GPR108: variants seen among roughly 807,000 people sequenced by gnomAD.
The protein encoded by GPR108 is G protein-coupled receptor 108.
GPR108 carries 60 observed loss-of-function variants against 74.3 expected under a neutral mutation model. The ratio of observed to expected loss-of-function variants is 0.81; its 90% CI spans 0.66 to 1.00. GPR108 has a LOEUF of 1.00. Among genes scored for constraint, GPR108 ranks in the 50% least tolerant of loss-of-function variants. GPR108 has a pLI of 0.00. For missense variants in GPR108, 667 were observed against 703.3 expected (o/e 0.95, Z 0.58); for synonymous variants, 311 against 292.4 (o/e 1.06, Z -0.65).
Position 6,732,306 on chromosome 19 carries a change from G to A in GPR108, c.1082C>T (p.Ser361Leu), listed in dbSNP as rs766990344. ...CCCAAAGACCTTCTTCTCCTTATCC[G>A]ACAGGACGTACTTGATGAAGGCCCA... The part of the protein sequence containing the change: ...SGWAFIKYVL[S>L]DKEKKVFGIV... The change falls in exon 12 of 18, where the codon TCG (serine) becomes TTG (leucine). Residue 361 changes from serine to leucine, a missense_variant. Transcript: ENST00000264080. 2.4e-5 allele frequency: 39 copies of A among 1,613,026 alleles called. 1 individual carries two copies. The highest frequency in any genetic ancestry group is 4.0e-5 in the African/African-American group (3 of 74,924).
chr19:6,735,853 A>T, intron 3 of GPR108, 55 bp downstream of exon 3: 1 of 1,575,530 alleles, frequency 6.3e-7, no homozygotes. Context: ...CAGAGGACAG[A>T]CCCTACCCCC....
At chr19:6,735,464 C>T in intron 4 of GPR108, 158 bp downstream of exon 4, 1 of 653,292 alleles carries the variant, frequency 1.5e-6, no homozygotes. Context: ...TCCCTCTCTC[C>T]TTCCTTCCAA....
At position 6,735,607 on chromosome 19, in the gene GPR108, C is replaced by T. The variant is rs778681402; in HGVS notation, c.374+15G>A. On this transcript the variant is annotated intron_variant, in intron 4 of 17. Coordinates refer to ENST00000264080, the MANE Select transcript of GPR108 (RefSeq NM_001080452.2). ...CAGACGAAGGATCTGAGCGAGCCCC[C>T]GGTCCCCAACTCACTGCAGATCCTT... The T allele has an allele frequency of 1.1e-5, 17 of 1,610,144 alleles. No homozygotes were observed. Among genetic ancestry groups the T allele is most frequent in the Middle Eastern group, 1.7e-4 (1 of 6,056 alleles).
chr19:6,733,519 AGTGGCCTGCAGGGGGCGCT>A, intron 8 of GPR108, 32 bp downstream of exon 8: 1 of 1,551,840 alleles, frequency 6.4e-7, no homozygotes. Flanking sequence ...CTGGGCCCGC[AGTGGCCTGCAGGGGGCGCT>A]CCCTGGCCCT....
Position 6,732,022 on chromosome 19 carries a change from C to T in GPR108, c.1256+3G>A, listed in dbSNP as rs767072849. The T allele has an allele frequency of 6.2e-7, 1 of 1,613,880 alleles. No homozygotes were observed. The highest frequency in any genetic ancestry group is 8.5e-7 in the Non-Finnish European group (1 of 1,179,974). On this transcript the variant is annotated splice_donor_region_variant and intron_variant, in intron 13 of 17. Transcript: ENST00000264080. ...AGCCTCAGCCCGGGGGCAGGGTCCTCACCAGACTACGGGGAACAGGATGGC... is the reference window on the plus strand; with the variant it reads ...AGCCTCAGCCCGGGGGCAGGGTCCTTACCAGACTACGGGGAACAGGATGGC...
At chr19:6,734,145 G>A (rs749492241) in intron 5 of GPR108, 38 bp downstream of exon 5, 3 of 1,614,140 alleles carry the variant, frequency 1.9e-6, no homozygotes. Context: ...GGGCAGACCT[G>A]CCCATCCACC....
rs1968319223 is a variant in GPR108, at chr19:6,730,022, G to T, written c.*290C>A. The stretch of plus-strand genomic sequence containing the variant: ...ACATTGTAAACACAACCTCCGTGTA[G>T]ACCCCAACCCCCAAAAAGGCAAGAC... On this transcript the variant is annotated 3_prime_UTR_variant, in exon 18 of 18. Transcript: ENST00000264080. 1 of 456,760 alleles carries T rather than the reference G, an allele frequency of 2.2e-6. No individual in the cohort carries two copies. Among genetic ancestry groups the T allele is most frequent in the East Asian group, 4.0e-5 (1 of 25,026 alleles). The allele number at this position is 456,760 out of a possible 1,614,324, so 28.3% of individuals were successfully genotyped here.
chr19:6,731,960 A>G (rs1343176573), intron 13 of GPR108, 26 bp from the exon 14 acceptor site: 37 of 1,613,266 alleles, frequency 2.3e-5, no homozygotes, highest in Non-Finnish European at 3.0e-5. Context: ...GACACAGGGT[A>G]CGGTCAGCGC....
At chr19:6,731,804 G>T (rs1350759775) in intron 14 of GPR108, 87 bp downstream of exon 14, 16 of 1,474,778 alleles carry the variant, frequency 1.1e-5, no homozygotes, top group East Asian at 2.3e-5. Flanking sequence ...GGGCAGAGAG[G>T]CCAGGAGGGG....
rs753439473 is a variant in GPR108, at chr19:6,731,106, C to T, written c.1440G>A (p.Leu480=). Residue 480 remains leucine (L), a synonymous_variant, in exon 17 of 18, where the codon TTG becomes TTA. Transcript: ENST00000264080. Reference sequence around the variant, plus strand: ...AGAAGGCCAGGGTGGAGCCCTCCACCAAGAGCTGGGGGACGGGGCGGAGTG... The same window carrying T: ...AGAAGGCCAGGGTGGAGCCCTCCACTAAGAGCTGGGGGACGGGGCGGAGTG... ...PFQWQWLYQL[L]VEGSTLAFFV... is the part of the protein sequence containing the mutation. 1.9e-6 allele frequency: 3 copies of T among 1,613,238 alleles called. No homozygotes were observed. Among genetic ancestry groups the T allele is most frequent in the African/African-American group, 1.3e-5 (1 of 75,010 alleles).
In GPR108 at chr19:6,733,306, G is replaced by A. The variant is rs373820873; in HGVS notation, c.724-5C>T. On this transcript the variant is annotated splice_polypyrimidine_tract_variant and splice_region_variant and intron_variant, in intron 8 of 17. Transcript: ENST00000264080. ...GTTCTTCTCCCGGATCATCACCTGCGGAGGGGGCAGTGGTGGGCGGCGGCA... is the reference window on the plus strand; with the variant it reads ...GTTCTTCTCCCGGATCATCACCTGCAGAGGGGGCAGTGGTGGGCGGCGGCA... 234 of 1,613,132 alleles carry A rather than the reference G, an allele frequency of 1.5e-4. No homozygotes were observed. The highest frequency in any genetic ancestry group is 1.9e-4 in the Non-Finnish European group (225 of 1,179,572).
At chr19:6,731,384 C>G in intron 15 of GPR108, 89 bp downstream of exon 15, 1 of 1,474,466 alleles carries the variant, frequency 6.8e-7, no homozygotes, top group South Asian at 1.3e-5. Flanking sequence ...ATGGGGGCCT[C>G]GGGATGGGGC....
chr19:6,734,057 G>C lies in GPR108; in HGVS notation c.500-3C>G. On this transcript the variant is annotated splice_polypyrimidine_tract_variant and splice_region_variant and intron_variant, in intron 5 of 17. Coordinates refer to ENST00000264080, the MANE Select transcript of GPR108 (RefSeq NM_001080452.2). ...CTTGCTGGCTGCAGAGGTCCCTCCTGTAAGAGACCGGGCAGTGATTTTAAG... is the reference window on the plus strand; with the variant it reads ...CTTGCTGGCTGCAGAGGTCCCTCCTCTAAGAGACCGGGCAGTGATTTTAAG... The C allele has an allele frequency of 5.0e-6, 8 of 1,614,232 alleles. No individual in the cohort carries two copies. Among genetic ancestry groups the C allele is most frequent in the Middle Eastern group, 3.3e-4 (2 of 6,062 alleles).
At chr19:6,735,344 A>G in intron 4 of GPR108, 1 of 362,766 alleles carries the variant, frequency 2.8e-6, no homozygotes, top group Admixed American at 4.4e-5. Context: ...TTAGTGTATT[A>G]AAGCTCCGGG....
intron 4 of GPR108, among the ~76,000 whole-genome samples, chr19:6,734,875 T>TATTATTATTATC (rs1968568047): frequency 1.4e-5 from 2 of 145,260 alleles, no homozygotes; most frequent in Non-Finnish European, 3.0e-5. Context: ...TTATTATTAT[T>TATTATTATTATC]ATTATTATTA....
In GPR108 at chr19:6,735,611, C is replaced by T; in HGVS notation, c.374+11G>A. On this transcript the variant is annotated intron_variant, in intron 4 of 17. Transcript: ENST00000264080. ...CGAAGGATCTGAGCGAGCCCCCGGT[C>T]CCCAACTCACTGCAGATCCTTGGTG... 6.2e-7 allele frequency: 1 copy of T among 1,612,968 alleles called. No homozygotes were observed. The highest frequency in any genetic ancestry group is 1.1e-5 in the South Asian group (1 of 91,050).
In GPR108 at chr19:6,732,987, G is replaced by T; in HGVS notation, c.933C>A (p.Ser311Arg). Residue 311 changes from serine (S) to arginine (R), a missense_variant and splice_region_variant, in exon 10 of 18, where the codon AGC (serine) becomes AGA (arginine). Ser to Arg is a moderately radical substitution (Grantham distance 110). Coordinates refer to ENST00000264080, the MANE Select transcript of GPR108 (RefSeq NM_001080452.2). ...CTGCTCCCCGGTCCAAGGCTCTCAC[G>T]CTGTGGAAGAGGAGAGAGATGCTCT... ...FTKSISLLFH[S>R]INYYFINSQG... is the part of the protein sequence containing the mutation. The T allele has an allele frequency of 1.9e-6, 3 of 1,591,612 alleles. No homozygotes were observed. Among genetic ancestry groups the T allele is most frequent in the Non-Finnish European group, 2.6e-6 (3 of 1,169,710 alleles).
intron 1 of GPR108, 59 bp downstream of exon 1, chr19:6,737,398 G>C: frequency 1.3e-6 from 2 of 1,553,568 alleles, no homozygotes; most frequent in Non-Finnish European, 1.7e-6. Context: ...CCAAGCCAGG[G>C]GGCTTCTCCG....
intron 1 of GPR108, chr19:6,736,960 G>A: frequency 1.9e-6 from 1 of 521,962 alleles, no homozygotes; most frequent in Non-Finnish European, 3.4e-6. Flanking sequence ...CCCCACTGGG[G>A]TGAGCACCGC....
Sources: allele counts gnomAD v4.1 joint callset (sites outside exome capture counted in the v4.1 genomes callset), GRCh38; gene constraint gnomAD v4.1.1; transcripts MANE v1.5; gene names NCBI Gene and HGNC (gene_info 2026-07-23, HGNC 2026-07-21).